LIN52: variants seen among roughly 807,000 people sequenced by gnomAD.
LIN52 encodes the protein lin-52 DREAM MuvB core complex component.
Under a neutral mutation model 18.5 loss-of-function variants are expected in LIN52, and 4 were observed. The observed-to-expected ratio is 0.22, with a 90% CI of 0.11 to 0.49. The LOEUF is 0.49. Ranked by LOEUF, LIN52 falls within the 20% of genes least tolerant of loss-of-function variation. LIN52 has a pLI of 0.97. For synonymous variants in LIN52, 34 were observed against 45.5 expected (o/e 0.75, Z 1.02); for missense variants, 102 against 139.5 (o/e 0.73, Z 1.35).
chr14:74,153,019 C>T (rs1375835085), intron 5 of LIN52, among the ~76,000 whole-genome samples: 2 of 144,024 alleles, frequency 1.4e-5, no homozygotes, highest in Admixed American at 6.9e-5. Flanking sequence ...GTATCAGATA[C>T]TTAAATGAAA....
chr14:74,158,570 C>T (rs2061210994), intron 5 of LIN52, among the ~76,000 whole-genome samples: 1 of 152,184 alleles, frequency 6.6e-6, no homozygotes, highest in Non-Finnish European at 1.5e-5. Context: ...CCTCCACCTC[C>T]CGGGTTCAAG....
intron 1 of LIN52, among the ~76,000 whole-genome samples, chr14:74,087,879 C>G (rs1283581587): frequency 6.6e-6 from 1 of 152,066 alleles, no homozygotes; most frequent in Non-Finnish European, 1.5e-5. Context: ...CATAAGGTCA[C>G]CCATGTAGGT....
At chr14:74,105,243 G>A (rs1038601250) in intron 5 of LIN52, among the ~76,000 whole-genome samples, 27 of 152,172 alleles carry the variant, frequency 1.8e-4, no homozygotes, top group African/African-American at 6.5e-4. Flanking sequence ...AAAAACTTAA[G>A]GCTTTGGGGG....
chr14:74,171,977 T>G (rs1006453695), intron 5 of LIN52, among the ~76,000 whole-genome samples: 4 of 152,196 alleles, frequency 2.6e-5, no homozygotes, highest in African/African-American at 9.7e-5. Context: ...CCTCAGATGA[T>G]CTGCCCACCT....
At chr14:74,103,506 T>C (rs8011639) in intron 5 of LIN52, among the ~76,000 whole-genome samples, 32,800 of 148,112 alleles carry the variant, frequency 0.22, 3,961 homozygotes, top group South Asian at 0.46. Context: ...GATCTTGGCT[T>C]ACTGCAACCT....
At chr14:74,105,020 C>T (rs2060887731) in intron 5 of LIN52, among the ~76,000 whole-genome samples, 1 of 152,188 alleles carries the variant, frequency 6.6e-6, no homozygotes, top group Non-Finnish European at 1.5e-5. Context: ...ATCTTATCAA[C>T]TATTTGGTTA....
chr14:74,181,816 G>A (rs983313205), intron 5 of LIN52, among the ~76,000 whole-genome samples: 1 of 152,098 alleles, frequency 6.6e-6, no homozygotes, highest in Non-Finnish European at 1.5e-5. Context: ...TAATCACAGG[G>A]AAAATAACCA....
chr14:74,135,114 G>T (rs888430967), intron 5 of LIN52, among the ~76,000 whole-genome samples: 1 of 152,128 alleles, frequency 6.6e-6, no homozygotes, highest in African/African-American at 2.4e-5. Flanking sequence ...CGCCAGGCTG[G>T]AGTGCAGTGG....
At chr14:74,107,460 GTCCTTCTATCAGCTTTCCCTTTTCA>G (rs2060903752) in intron 5 of LIN52, among the ~76,000 whole-genome samples, 1 of 151,806 alleles carries the variant, frequency 6.6e-6, no homozygotes, top group Non-Finnish European at 1.5e-5. Context: ...TCGGTAAGCT[GTCCTTCTATCAGCTTTCCCTTTTCA>G]TCCTTGATTT....
intron 5 of LIN52, chr14:74,114,290 G>A: frequency 1.0e-6 from 1 of 984,330 alleles, no homozygotes; most frequent in Non-Finnish European, 1.2e-6. Context: ...TACCACTGAA[G>A]ATTTTTGAAT....
intron 5 of LIN52, among the ~76,000 whole-genome samples, chr14:74,163,957 C>A (rs1234255355): frequency 6.6e-6 from 1 of 151,712 alleles, no homozygotes; most frequent in African/African-American, 2.4e-5. Flanking sequence ...GGATACTAGA[C>A]CAGTGGAAGA....
chr14:74,131,980 C>G (rs2061070980), intron 5 of LIN52, among the ~76,000 whole-genome samples: 1 of 152,174 alleles, frequency 6.6e-6, no homozygotes, highest in East Asian at 1.9e-4. Context: ...GGTGACTTAC[C>G]TAAAGACAGC....
intron 2 of LIN52, among the ~76,000 whole-genome samples, chr14:74,094,820 C>T (rs1399795471): frequency 1.3e-5 from 2 of 151,760 alleles, no homozygotes; most frequent in African/African-American, 2.4e-5. Context: ...CTCCACCTCC[C>T]GGGTTCAAGC....
chr14:74,181,123 A>AGG (rs2061316773), intron 5 of LIN52, among the ~76,000 whole-genome samples: 1 of 120,204 alleles, frequency 8.3e-6, no homozygotes, highest in Non-Finnish European at 1.9e-5. Context: ...AAAAAAAAAA[A>AGG]AAAAAGAAAA....
intron 2 of LIN52, among the ~76,000 whole-genome samples, chr14:74,092,038 C>G (rs1321680034): frequency 6.6e-6 from 1 of 151,488 alleles, no homozygotes; most frequent in East Asian, 1.9e-4. Context: ...CAGTGGTGCA[C>G]TCGGGTCACT....
At chr14:74,095,431 G>A (rs977550162) in intron 2 of LIN52, among the ~76,000 whole-genome samples, 4 of 151,778 alleles carry the variant, frequency 2.6e-5, no homozygotes, top group Non-Finnish European at 5.9e-5. Flanking sequence ...CACTGCACCC[G>A]GCCCGTTTTT....
At chr14:74,159,040 G>C (rs2139563192) in intron 5 of LIN52, among the ~76,000 whole-genome samples, 1 of 152,240 alleles carries the variant, frequency 6.6e-6, no homozygotes, top group African/African-American at 2.4e-5. Context: ...GGTTCCTGGG[G>C]CCACAGGAGA....
chr14:74,171,459 A>G (rs1358336196), intron 5 of LIN52, among the ~76,000 whole-genome samples: 1 of 151,986 alleles, frequency 6.6e-6, no homozygotes, highest in Non-Finnish European at 1.5e-5. Flanking sequence ...TCCCAGTCGT[A>G]GTAAGAATAT....
chr14:74,133,275 A>T (rs2061079150), intron 5 of LIN52, among the ~76,000 whole-genome samples: 1 of 152,252 alleles, frequency 6.6e-6, no homozygotes, highest in African/African-American at 2.4e-5. Flanking sequence ...GCTGGGGAAG[A>T]TGGAAGAGAG....
Sources: gnomAD v4.1 joint callset for allele counts (sites outside exome capture counted in the v4.1 genomes callset) on GRCh38, gnomAD v4.1.1 for gene constraint, MANE v1.5 for transcripts, NCBI Gene and HGNC (gene_info 2026-07-23, HGNC 2026-07-21) for gene names.